JAKMIP2: variants seen among roughly 807,000 people sequenced by gnomAD.
JAKMIP2 encodes janus kinase and microtubule-interacting protein 2.
In JAKMIP2, 25 loss-of-function variants were observed where a neutral mutation model predicts 115.0. The ratio of observed to expected loss-of-function variants is 0.22; its 90% CI spans 0.16 to 0.30. The LOEUF is 0.30. JAKMIP2 is among the 10% of genes least tolerant of loss of function. JAKMIP2 has a pLI of 1.00. For missense variants in JAKMIP2, 642 were observed against 957.6 expected, an observed-to-expected ratio of 0.67 and a Z score of 4.35; for synonymous variants, 334 against 343.6, an observed-to-expected ratio of 0.97 and a Z score of 0.31.
At chr5:147,684,903 C>G (rs1052469703) in intron 1 of JAKMIP2, among the ~76,000 whole-genome samples, 1 of 152,136 alleles carries the variant, frequency 6.6e-6, no homozygotes, top group African/African-American at 2.4e-5. Flanking sequence ...GAGCTTTTCT[C>G]TTTCCTAAGC....
chr5:147,588,522 G>T lies in JAKMIP2; in HGVS notation c.*3185C>A, dbSNP rs193073391. ...GACTGGAACACATATCCACAATTTTGCTGATGCTTTTATAATTGTGAAAAT... is the reference window on the plus strand; with the variant it reads ...GACTGGAACACATATCCACAATTTTTCTGATGCTTTTATAATTGTGAAAAT... On this transcript the variant is annotated 3_prime_UTR_variant, in exon 22 of 22. Transcript: ENST00000616793. The T allele has an allele frequency of 1.5e-4, 22 of 149,038 alleles. No individual in the cohort carries two copies. Among genetic ancestry groups the T allele is most frequent in the Admixed American group, 1.3e-3 (19 of 14,756 alleles). The allele number at this position is 149,038 out of a possible 1,614,324, so 9.2% of individuals were successfully genotyped here.
intron 1 of JAKMIP2, among the ~76,000 whole-genome samples, chr5:147,741,813 G>A (rs1754149404): frequency 1.3e-5 from 2 of 152,158 alleles, no homozygotes; most frequent in South Asian, 4.1e-4. Context: ...CCTTCATAAA[G>A]TATGGGGACA....
intron 18 of JAKMIP2, among the ~76,000 whole-genome samples, chr5:147,620,246 T>C (rs1756784690): frequency 6.6e-6 from 1 of 152,082 alleles, no homozygotes; most frequent in African/African-American, 2.4e-5. Context: ...AAAGTGCATG[T>C]CACCATGATT....
intron 1 of JAKMIP2, among the ~76,000 whole-genome samples, chr5:147,750,561 TACACAC>T (rs151015424): frequency 3.5e-5 from 5 of 142,904 alleles, no homozygotes; most frequent in South Asian, 2.3e-4. Context: ...TGCCAGAAAA[TACACAC>T]ACACACACAC....
intron 20 of JAKMIP2, among the ~76,000 whole-genome samples, chr5:147,610,708 G>A (rs1004665293): frequency 1.1e-3 from 172 of 152,212 alleles, no homozygotes; most frequent in Non-Finnish European, 1.5e-3. Context: ...GAGCTTGAGC[G>A]CTATGCTGGG....
At chr5:147,755,239 T>G (rs1754702090) in intron 1 of JAKMIP2, among the ~76,000 whole-genome samples, 1 of 152,136 alleles carries the variant, frequency 6.6e-6, no homozygotes, top group South Asian at 2.1e-4. Flanking sequence ...ATACTGGCAG[T>G]GAGGACAAAG....
intron 1 of JAKMIP2, among the ~76,000 whole-genome samples, chr5:147,772,498 C>T (rs748805042): frequency 6.6e-6 from 1 of 150,892 alleles, no homozygotes; most frequent in South Asian, 2.1e-4. Flanking sequence ...CACAGTTCAA[C>T]TCCAGATGCC....
In JAKMIP2 at chr5:147,732,841, C is replaced by A. The variant is rs529261433; in HGVS notation, c.-149+49615G>T. On this transcript the variant is annotated intron_variant, in intron 1 of 21. Transcript: ENST00000616793. ...GCATTTGATTTTATTCTTAATTTCA[C>A]GCTGTGATGTTTATCTTTTATGGTA... is the stretch of plus-strand genomic sequence containing the variant. 2.9e-4 allele frequency among the ~76,000 whole-genome samples: 44 copies of A among 152,276 alleles called. No individual in the cohort carries two copies. The East Asian group carries it at 6.9e-3, about 24-fold the overall frequency.
intron 1 of JAKMIP2, among the ~76,000 whole-genome samples, chr5:147,704,610 T>A (rs556930215): frequency 6.6e-6 from 1 of 152,234 alleles, no homozygotes; most frequent in South Asian, 2.1e-4. Flanking sequence ...TGATTCACTC[T>A]CCCAGAAGAT....
chr5:147,642,512 A>C (rs903997870), intron 7 of JAKMIP2, among the ~76,000 whole-genome samples: 1 of 152,280 alleles, frequency 6.6e-6, no homozygotes, highest in Non-Finnish European at 1.5e-5. Context: ...AAATTCTATA[A>C]AAAATTTACA....
At position 147,650,460 on chromosome 5, in the gene JAKMIP2, G is replaced by T; in HGVS notation, c.715C>A (p.Leu239Ile). Residue 239 changes from leucine to isoleucine, a missense_variant, in exon 4 of 22, where the codon CTT becomes ATT. Transcript: ENST00000616793. ...TGTTCGTCCAAAGCCTCCTTCTGAA[G>T]TTGGAGTTTCTGTACATAGCCTGTC... Reference protein sequence around the residue: ...TQTGYVQKLQLQKEALDEQLF... With the variant: ...TQTGYVQKLQIQKEALDEQLF... 2 of 1,613,834 alleles carry T rather than the reference G, an allele frequency of 1.2e-6. No individual in the cohort carries two copies. The highest frequency in any genetic ancestry group is 1.1e-5 in the South Asian group (1 of 91,078).
intron 1 of JAKMIP2, among the ~76,000 whole-genome samples, chr5:147,741,826 C>G (rs1397208937): frequency 1.3e-5 from 2 of 151,972 alleles, no homozygotes; most frequent in Non-Finnish European, 1.5e-5. Context: ...TGGGGACAAG[C>G]ATCAGCAAAA....
Position 147,715,529 on chromosome 5 carries a change from G to T in JAKMIP2, c.-148-43575C>A, listed in dbSNP as rs534682044. On this transcript the variant is annotated intron_variant, in intron 1 of 21. Transcript: ENST00000616793. Reference sequence around the variant, plus strand: ...AAATTTAAAGCAGCCTGTGACGGCTGTATTAATACTAGAAAAAAAAGATTT... The same window carrying T: ...AAATTTAAAGCAGCCTGTGACGGCTTTATTAATACTAGAAAAAAAAGATTT... 4.6e-5 allele frequency among the ~76,000 whole-genome samples: 7 copies of T among 151,254 alleles called. No individual in the cohort carries two copies. In the South Asian group the frequency reaches 1.5e-3, roughly 31 times the overall value.
Position 147,623,626 on chromosome 5 carries a change from C to T in JAKMIP2, c.2059G>A (p.Asp687Asn). The T allele has an allele frequency of 1.3e-6, 2 of 1,598,998 alleles. No individual in the cohort carries two copies. Among genetic ancestry groups the T allele is most frequent in the Non-Finnish European group, 1.7e-6 (2 of 1,166,376 alleles). ...LHQKMMELES[D>N]MEQFCKIKGY... The stretch of plus-strand genomic sequence containing the variant: ...ATATCTCATCTTGTACTTACCATGT[C>T]ACTTTCCAATTCCATCATTTTCTGG... The change falls in exon 17 of 22, where the codon GAC (aspartate) becomes AAC (asparagine). Residue 687 changes from aspartate to asparagine, a missense_variant. Around this residue, in one of 6 missense-constraint regions of JAKMIP2, gnomAD observed 68 missense variants for 104.6 expected, o/e 0.65. Transcript: ENST00000616793.
chr5:147,705,347 A>C (rs938688718), intron 1 of JAKMIP2, among the ~76,000 whole-genome samples: 48 of 152,258 alleles, frequency 3.2e-4, no homozygotes, highest in African/African-American at 1.1e-3. Context: ...TTATGCCTAT[A>C]ATCCTAGCAC....
intron 3 of JAKMIP2, 179 bp downstream of exon 3, chr5:147,660,769 T>C: frequency 1.5e-6 from 1 of 663,688 alleles, no homozygotes; most frequent in Admixed American, 2.9e-5. Context: ...GGCCTGAGCA[T>C]ATCTCTCGAT....
chr5:147,779,423 T>TA (rs1012162878), intron 1 of JAKMIP2, among the ~76,000 whole-genome samples: 2 of 151,934 alleles, frequency 1.3e-5, no homozygotes, highest in Non-Finnish European at 1.5e-5. Flanking sequence ...TTTGTTTTTT[T>TA]AAAAAAAACA....
intron 1 of JAKMIP2, among the ~76,000 whole-genome samples, chr5:147,718,498 G>A (rs1272360149): frequency 6.6e-6 from 1 of 152,034 alleles, no homozygotes; most frequent in Non-Finnish European, 1.5e-5. Context: ...TGGTTGGTAA[G>A]CTATTGATTA....
intron 1 of JAKMIP2, among the ~76,000 whole-genome samples, chr5:147,773,693 G>A (rs1045711911): frequency 6.6e-6 from 1 of 152,096 alleles, no homozygotes; most frequent in African/African-American, 2.4e-5. Flanking sequence ...TATGAATCAG[G>A]CATGTTTAAG....
Sources: allele counts gnomAD v4.1 joint callset (sites outside exome capture counted in the v4.1 genomes callset), GRCh38; gene constraint gnomAD v4.1.1; regional missense constraint gnomAD v4.1.1; transcripts MANE v1.5; gene names NCBI Gene and HGNC (gene_info 2026-07-23, HGNC 2026-07-21).